Variants in CAAP1 observed in about 807,000 individuals in gnomAD.
CAAP1 encodes the protein caspase activity and apoptosis inhibitor 1, also known as conserved anti-apoptotic protein.
In CAAP1, 20 loss-of-function variants were observed where a neutral mutation model predicts 34.0. The observed-to-expected ratio is 0.59, with a 90% CI of 0.41 to 0.86. The LOEUF (loss-of-function observed/expected upper bound fraction) is 0.86. Among genes scored for constraint, CAAP1 ranks in the 40% least tolerant of loss-of-function variants. CAAP1 has a pLI of 0.00. For missense variants in CAAP1, 538 were observed against 450.5 expected, an observed-to-expected ratio of 1.19 and a Z score of -1.76; for synonymous variants, 213 against 166.7, an observed-to-expected ratio of 1.28 and a Z score of -2.14.
chr9:26,889,031 A>G (rs556764423), intron 1 of CAAP1, among the ~76,000 whole-genome samples: 17 of 152,338 alleles, frequency 1.1e-4, no homozygotes, highest in African/African-American at 3.4e-4. Flanking sequence ...TAAAAACATT[A>G]TGTTAAGTAA....
At chr9:26,884,266 C>T (rs1449088694) in intron 4 of CAAP1, among the ~76,000 whole-genome samples, 2 of 152,124 alleles carry the variant, frequency 1.3e-5, no homozygotes, top group African/African-American at 2.4e-5. Context: ...TAATAATTAG[C>T]ATGTAGCTTC....
intron 5 of CAAP1, among the ~76,000 whole-genome samples, chr9:26,853,684 C>G (rs1822806853): frequency 6.6e-6 from 1 of 151,980 alleles, no homozygotes; most frequent in Non-Finnish European, 1.5e-5. Context: ...GAGAGGGGAA[C>G]ATTAATTAGG....
chr9:26,859,931 GCTGT>G (rs1363414964), intron 5 of CAAP1, among the ~76,000 whole-genome samples: 5 of 152,048 alleles, frequency 3.3e-5, no homozygotes, highest in South Asian at 2.1e-4. Context: ...CACTAAATTC[GCTGT>G]CTAACCTTTT....
chr9:26,881,261 A>G (rs796678501), intron 4 of CAAP1, among the ~76,000 whole-genome samples: 1 of 152,232 alleles, frequency 6.6e-6, no homozygotes, highest in Non-Finnish European at 1.5e-5. Flanking sequence ...GGTGTGAACC[A>G]CCATGCACAG....
intron 4 of CAAP1, among the ~76,000 whole-genome samples, chr9:26,881,455 T>A (rs1471845766): frequency 6.6e-6 from 1 of 152,228 alleles, no homozygotes; most frequent in Non-Finnish European, 1.5e-5. Context: ...CATACTCTTC[T>A]GGTGGAAGTA....
chr9:26,846,399 G>C (rs1361080612), intron 5 of CAAP1, among the ~76,000 whole-genome samples: 1 of 122,002 alleles, frequency 8.2e-6, no homozygotes, highest in Non-Finnish European at 1.6e-5. Context: ...CTGGGTGACA[G>C]AGCGAGACTC....
chr9:26,860,393 C>T (rs1441897068), intron 5 of CAAP1, among the ~76,000 whole-genome samples: 1 of 152,262 alleles, frequency 6.6e-6, no homozygotes, highest in South Asian at 2.1e-4. Context: ...CAAAATACCT[C>T]AGGGGGAAAA....
chr9:26,892,508 C>T lies in CAAP1; in HGVS notation c.208G>A (p.Gly70Ser), dbSNP rs746699356. 9.6e-6 allele frequency: 15 copies of T among 1,567,046 alleles called. No individual in the cohort carries two copies. In the East Asian group the frequency reaches 3.5e-4, roughly 37 times the overall value. ...CTGCTCCCGCCCCAACAGCTGCCGC[C>T]GCTCCCACCGCCGGTGACACTTCCA... Reference protein sequence around the residue: ...FSGSVTGGGSGGSCWGGSSVE... With the variant: ...FSGSVTGGGSSGSCWGGSSVE... Residue 70 changes from glycine (G) to serine (S), a missense_variant, in exon 1 of 6, where the codon GGC (glycine) becomes AGC (serine). This residue lies in a region of CAAP1 where 514 missense variants were observed against 408.4 expected (regional missense o/e 1.26). Transcript: ENST00000333916.
chr9:26,853,954 G>C (rs953502381), intron 5 of CAAP1, among the ~76,000 whole-genome samples: 8 of 152,138 alleles, frequency 5.3e-5, no homozygotes, highest in African/African-American at 1.9e-4. Flanking sequence ...GGATGAAGGG[G>C]TGAACTTCAA....
At chr9:26,877,997 A>G (rs1256805696) in intron 4 of CAAP1, among the ~76,000 whole-genome samples, 2 of 152,016 alleles carry the variant, frequency 1.3e-5, no homozygotes, top group Non-Finnish European at 2.9e-5. Flanking sequence ...GAGGATGATA[A>G]AGCCTTCTAA....
chr9:26,846,695 T>C (rs559489869), intron 5 of CAAP1, among the ~76,000 whole-genome samples: 1 of 146,112 alleles, frequency 6.8e-6, no homozygotes, highest in Middle Eastern at 3.4e-3. Flanking sequence ...ATTTTTCTTC[T>C]TTTTTTTTTG....
intron 5 of CAAP1, among the ~76,000 whole-genome samples, chr9:26,846,675 G>A (rs1164954560): frequency 6.6e-6 from 1 of 151,716 alleles, no homozygotes; most frequent in African/African-American, 2.4e-5. Flanking sequence ...AGAGCAAAAT[G>A]GGAAAATTAA....
Position 26,886,135 on chromosome 9 carries a change from C to A in CAAP1, c.558G>T (p.Leu186=). The A allele has an allele frequency of 6.4e-7, 1 of 1,552,882 alleles. No individual in the cohort carries two copies. The highest frequency in any genetic ancestry group is 8.7e-7 in the Non-Finnish European group (1 of 1,154,388). The part of the protein sequence containing the change: ...KKLCQEQLEL[L]SEKKILKILE... ...GAATCTTCAAAATTTTTTTTTCAGA[C>A]AGGAGCTCTAACTGTTCCTGGCATA... Residue 186 remains leucine, a synonymous_variant, in exon 3 of 6, where the codon CTG becomes CTT. Coordinates refer to ENST00000333916, the MANE Select transcript of CAAP1 (RefSeq NM_024828.4).
intron 4 of CAAP1, among the ~76,000 whole-genome samples, chr9:26,872,032 A>C (rs997543661): frequency 5.9e-5 from 9 of 152,196 alleles, no homozygotes; most frequent in African/African-American, 2.2e-4. Flanking sequence ...CACTCATGAA[A>C]ATTTATTAAA....
At chr9:26,885,229 A>G (rs902941865) in intron 3 of CAAP1, among the ~76,000 whole-genome samples, 6 of 151,862 alleles carry the variant, frequency 4.0e-5, no homozygotes, top group Non-Finnish European at 7.4e-5. Flanking sequence ...GGCGCCCGCC[A>G]CCACGCCCGG....
intron 4 of CAAP1, among the ~76,000 whole-genome samples, chr9:26,863,032 T>C (rs1338789089): frequency 1.3e-5 from 2 of 152,172 alleles, no homozygotes; most frequent in East Asian, 3.8e-4. Flanking sequence ...TTCTTATTCT[T>C]GCAACATTGT....
chr9:26,887,241 G>T, intron 2 of CAAP1, 72 bp downstream of exon 2: 1 of 1,023,742 alleles, frequency 9.8e-7, no homozygotes, highest in Non-Finnish European at 1.4e-6. Context: ...ACCGCATTAA[G>T]TAAAACAAAA....
chr9:26,879,282 AT>A lies in CAAP1; in HGVS notation c.665+5527del, dbSNP rs562720523. Among the ~76,000 whole-genome samples, 5 of 152,228 alleles carry A rather than the reference AT, an allele frequency of 3.3e-5. No homozygotes were observed. In the South Asian group the frequency reaches 6.2e-4, roughly 19 times the overall value. On this transcript the variant is annotated intron_variant, in intron 4 of 5. Transcript: ENST00000333916. Reference sequence around the variant, plus strand: ...GGGCAAAACTGCTGTTTATGATGTCATTTTTTTCCAGAACATTTTAACAGAT... The same window carrying A: ...GGGCAAAACTGCTGTTTATGATGTCATTTTTTCCAGAACATTTTAACAGAT...
intron 4 of CAAP1, among the ~76,000 whole-genome samples, chr9:26,870,541 G>GAC (rs1312241545): frequency 7.2e-6 from 1 of 138,388 alleles, no homozygotes; most frequent in East Asian, 4.2e-4. Context: ...TGTGTATATA[G>GAC]ACACATACAC....
Sources: allele counts gnomAD v4.1 joint callset (sites outside exome capture counted in the v4.1 genomes callset), GRCh38; gene constraint gnomAD v4.1.1; regional missense constraint gnomAD v4.1.1; transcripts MANE v1.5; gene names NCBI Gene and HGNC (gene_info 2026-07-23, HGNC 2026-07-21).